Variants in SGCZ observed in about 807,000 individuals in gnomAD.
SGCZ encodes sarcoglycan zeta.
A neutral mutation model predicts 41.3 loss-of-function variants in SGCZ; 40 were observed. The ratio of observed to expected loss-of-function variants is 0.97; its 90% CI spans 0.75 to 1.26. The LOEUF (loss-of-function observed/expected upper bound fraction) is 1.26, where lower values mean the gene tolerates loss of function less well. Ranked by LOEUF, SGCZ falls within the 50% of genes most tolerant of loss-of-function variation. SGCZ has a pLI of 0.00. For synonymous variants in SGCZ, 206 were observed against 137.5 expected, an observed-to-expected ratio of 1.50 and a Z score of -3.49; for missense variants, 552 against 369.8, an observed-to-expected ratio of 1.49 and a Z score of -4.04.
intron 1 of SGCZ, among the ~76,000 whole-genome samples, chr8:14,730,039 T>G (rs1810184260): frequency 6.6e-6 from 1 of 152,128 alleles, no homozygotes; most frequent in South Asian, 2.1e-4. Context: ...TGAGCCGAGA[T>G]CGTGCCAGGG....
chr8:14,844,317 T>C (rs1252399548), intron 1 of SGCZ, among the ~76,000 whole-genome samples: 1 of 152,168 alleles, frequency 6.6e-6, no homozygotes, highest in Non-Finnish European at 1.5e-5. Flanking sequence ...AGTAGATTCT[T>C]TTCTTTCCCT....
chr8:14,220,344 A>C lies in SGCZ; in HGVS notation c.424+17248T>G, dbSNP rs544056963. Reference sequence around the variant, plus strand: ...TATTACGAGAAAAAAAGTCAGATGCAAAATAATGTATCATATGTGAATTTA... The same window carrying C: ...TATTACGAGAAAAAAAGTCAGATGCCAAATAATGTATCATATGTGAATTTA... On this transcript the variant is annotated intron_variant, in intron 4 of 7. Transcript: ENST00000382080. Among the ~76,000 whole-genome samples the C allele has an allele frequency of 2.0e-5, 3 of 152,334 alleles. No individual in the cohort carries two copies. In the South Asian group the frequency reaches 6.2e-4, roughly 32 times the overall value.
At chr8:14,467,512 G>A (rs553639557) in intron 2 of SGCZ, among the ~76,000 whole-genome samples, 4 of 152,166 alleles carry the variant, frequency 2.6e-5, no homozygotes, top group Non-Finnish European at 4.4e-5. Flanking sequence ...GAACATACAG[G>A]TGCCTGTCAT....
chr8:14,828,613 T>C (rs1444028972), intron 1 of SGCZ, among the ~76,000 whole-genome samples: 1 of 152,142 alleles, frequency 6.6e-6, no homozygotes, highest in Non-Finnish European at 1.5e-5. Flanking sequence ...ATCAAACCAG[T>C]GGCTATCAAG....
rs139930824 is a variant in SGCZ at position 15,069,172 on chromosome 8, G to A, written c.39+168413C>T. On this transcript the variant is annotated intron_variant, in intron 1 of 7. Coordinates refer to ENST00000382080, the MANE Select transcript of SGCZ (RefSeq NM_139167.4). ...CTCCAAAATTTATGACAATACAGAG[G>A]TTTTTTTGGGGTTTTGTTGTTTCTT... Among the ~76,000 whole-genome samples the A allele has an allele frequency of 5.4e-3, 826 of 152,182 alleles. 9 individuals are homozygous for A. The highest frequency in any genetic ancestry group is 0.019 in the African/African-American group (793 of 41,534).
At chr8:14,697,225 G>C (rs775494820) in intron 1 of SGCZ, among the ~76,000 whole-genome samples, 2 of 152,016 alleles carry the variant, frequency 1.3e-5, no homozygotes, top group Non-Finnish European at 2.9e-5. Flanking sequence ...AAGTGGCCTA[G>C]AGTCACAATG....
At chr8:14,157,659 G>T (rs887861995) in intron 5 of SGCZ, among the ~76,000 whole-genome samples, 1 of 151,892 alleles carries the variant, frequency 6.6e-6, no homozygotes, top group Non-Finnish European at 1.5e-5. Flanking sequence ...AATGTGAATT[G>T]TATATTCACT....
chr8:14,230,667 C>A (rs1806530590), intron 4 of SGCZ, among the ~76,000 whole-genome samples: 1 of 151,094 alleles, frequency 6.6e-6, no homozygotes, highest in Non-Finnish European at 1.5e-5. Flanking sequence ...ATTGTCCCCA[C>A]AATATTATTA....
rs552967061 is a variant in SGCZ at position 14,601,538 on chromosome 8, C to G, written c.40-46612G>C. Among the ~76,000 whole-genome samples, 6 of 151,906 alleles carry G rather than the reference C, an allele frequency of 3.9e-5. No individual in the cohort carries two copies. The East Asian group carries it at 1.2e-3, about 30-fold the overall frequency. On this transcript the variant is annotated intron_variant, in intron 1 of 7. Coordinates refer to ENST00000382080, the MANE Select transcript of SGCZ (RefSeq NM_139167.4). ...GGACAATTTATGTGTTTTATATGTT[C>G]GGAGACAGGAGCTGATTTTCTTCCC...
intron 1 of SGCZ, among the ~76,000 whole-genome samples, chr8:14,837,310 G>C (rs1379499809): frequency 1.3e-5 from 2 of 152,226 alleles, no homozygotes; most frequent in East Asian, 3.9e-4. Flanking sequence ...GAAAAGGTCT[G>C]AGAAAGGTGT....
chr8:14,260,660 C>T (rs557684814), intron 3 of SGCZ, among the ~76,000 whole-genome samples: 57 of 151,862 alleles, frequency 3.8e-4, no homozygotes, highest in Admixed American at 1.2e-3. Flanking sequence ...ATGTTTATTG[C>T]GGCATTATTC....
At chr8:14,831,972 CTG>C (rs1345908523) in intron 1 of SGCZ, among the ~76,000 whole-genome samples, 3 of 151,878 alleles carry the variant, frequency 2.0e-5, no homozygotes, top group Non-Finnish European at 2.9e-5. Flanking sequence ...AAAAGAATAG[CTG>C]TGTTATGTTT....
intron 4 of SGCZ, among the ~76,000 whole-genome samples, chr8:14,179,538 C>A (rs1804655681): frequency 6.6e-6 from 1 of 152,144 alleles, no homozygotes; most frequent in African/African-American, 2.4e-5. Flanking sequence ...ACCTCAGTCT[C>A]CCTGTTTCAC....
At chr8:14,481,063 A>C (rs2117004764) in intron 2 of SGCZ, among the ~76,000 whole-genome samples, 1 of 152,288 alleles carries the variant, frequency 6.6e-6, no homozygotes, top group Non-Finnish European at 1.5e-5. Flanking sequence ...ATATTAATAT[A>C]ATCAACATAT....
chr8:14,715,744 C>A (rs1466820614), intron 1 of SGCZ, among the ~76,000 whole-genome samples: 1 of 152,090 alleles, frequency 6.6e-6, no homozygotes, highest in Non-Finnish European at 1.5e-5. Flanking sequence ...CAATAGAGAT[C>A]TGTCAGAAGT....
At chr8:14,666,354 C>A (rs559986431) in intron 1 of SGCZ, among the ~76,000 whole-genome samples, 2 of 152,274 alleles carry the variant, frequency 1.3e-5, no homozygotes, top group East Asian at 1.9e-4. Context: ...AACTCACATG[C>A]AAGGTCTTTA....
intron 2 of SGCZ, among the ~76,000 whole-genome samples, chr8:14,372,151 TTTA>T (rs1156881882): frequency 9.9e-5 from 15 of 152,128 alleles, no homozygotes; most frequent in Non-Finnish European, 2.9e-5. Flanking sequence ...ATGACTAGGT[TTTA>T]GATCCTAAGG....
intron 1 of SGCZ, among the ~76,000 whole-genome samples, chr8:14,975,974 G>GTGTATGTGTGTGCGTA (rs1801460984): frequency 1.4e-5 from 2 of 144,264 alleles, no homozygotes; most frequent in Non-Finnish European, 3.0e-5. Flanking sequence ...GTGTGTGCGT[G>GTGTATGTGTGTGCGTA]TGTGTATGTG....
intron 5 of SGCZ, among the ~76,000 whole-genome samples, chr8:14,110,026 T>G (rs1375409852): frequency 6.6e-6 from 1 of 152,164 alleles, no homozygotes; most frequent in Non-Finnish European, 1.5e-5. Context: ...TTTCATGAAT[T>G]TTGAGAAATT....
Sources: gnomAD v4.1 joint callset for allele counts (sites outside exome capture counted in the v4.1 genomes callset) on GRCh38, gnomAD v4.1.1 for gene constraint, MANE v1.5 for transcripts, NCBI Gene and HGNC (gene_info 2026-07-23, HGNC 2026-07-21) for gene names.